SIK2: variants seen among roughly 807,000 people sequenced by gnomAD.
The protein encoded by SIK2 is salt inducible kinase 2.
SIK2 carries 29 observed loss-of-function variants against 103.2 expected under a neutral mutation model. The observed-to-expected ratio is 0.28, with a 90% CI of 0.21 to 0.38. The LOEUF (loss-of-function observed/expected upper bound fraction) is 0.38, where lower values mean the gene tolerates loss of function less well. Ranked by LOEUF, SIK2 falls within the 10% of genes least tolerant of loss-of-function variation. The pLI is 1.00. For missense variants in SIK2, 879 were observed against 1,171.0 expected (o/e 0.75, Z 3.64); for synonymous variants, 412 against 446.1 (o/e 0.92, Z 0.96).
intron 4 of SIK2, among the ~76,000 whole-genome samples, chr11:111,697,032 A>G (rs1010906095): frequency 1.3e-5 from 2 of 152,190 alleles, no homozygotes; most frequent in Non-Finnish European, 2.9e-5. Context: ...AACCCTGACA[A>G]TTATTAACTT....
In SIK2 at chr11:111,727,024, C is replaced by G. The variant is rs1213373873; in HGVS notation, c.*2895C>G. On this transcript the variant is annotated 3_prime_UTR_variant, in exon 15 of 15. Coordinates refer to ENST00000304987, the MANE Select transcript of SIK2 (RefSeq NM_015191.3). The stretch of plus-strand genomic sequence containing the variant: ...GCAATTCCCAGCTGGGCAAGTGTGT[C>G]TCTAGTATCTCCACGCAACTGATAC... The G allele has an allele frequency of 1.2e-6, 2 of 1,614,130 alleles. No homozygotes were observed. The highest frequency in any genetic ancestry group is 2.2e-5 in the South Asian group (2 of 91,072).
intron 3 of SIK2, among the ~76,000 whole-genome samples, chr11:111,669,467 A>T (rs756285866): frequency 1.1e-4 from 17 of 152,186 alleles, no homozygotes; most frequent in Non-Finnish European, 2.1e-4. Context: ...ATGGTGGTGC[A>T]TGCCTGTAGT....
rs935751360 is a variant in SIK2 at position 111,727,169 on chromosome 11, T to G, written c.*3040T>G. The G allele has an allele frequency of 1.2e-5, 10 of 842,586 alleles. No individual in the cohort carries two copies. Among genetic ancestry groups the G allele is most frequent in the Admixed American group, 6.3e-5 (3 of 47,834 alleles). The allele number at this position is 842,586 out of a possible 1,614,324, so 52.2% of individuals were successfully genotyped here. On this transcript the variant is annotated 3_prime_UTR_variant, in exon 15 of 15. Coordinates refer to ENST00000304987, the MANE Select transcript of SIK2 (RefSeq NM_015191.3). ...CTCGCCACCTCTGCCTGCACTGCCT[T>G]CTGTCACCGTGGGAAAAGGAGGCTG...
At chr11:111,675,986 T>A (rs1371932597) in intron 3 of SIK2, among the ~76,000 whole-genome samples, 3 of 152,182 alleles carry the variant, frequency 2.0e-5, no homozygotes, top group Non-Finnish European at 4.4e-5. Context: ...AGTGTTTAGC[T>A]CCTACTTAGA....
intron 3 of SIK2, among the ~76,000 whole-genome samples, chr11:111,653,680 G>C (rs1942355986): frequency 6.6e-6 from 1 of 152,192 alleles, no homozygotes; most frequent in Non-Finnish European, 1.5e-5. Flanking sequence ...GTGAGAAATG[G>C]TCAGTTGTGG....
chr11:111,720,492 A>G lies in SIK2; in HGVS notation c.1510A>G (p.Met504Val), dbSNP rs201616979. The stretch of plus-strand genomic sequence containing the variant: ...TTCTCTTAAAGGGAAAATTTTCTCC[A>G]TGAATGACAGCCCCTCCCTTGACAG... ...VMPGAGKIFS[M>V]NDSPSLDSVD... is the part of the protein sequence containing the mutation. The change falls in exon 11 of 15, where the codon ATG (methionine) becomes GTG (valine). Residue 504 changes from methionine (M) to valine (V), a missense_variant. By Grantham distance (21) the Met-to-Val change is conservative. Coordinates refer to ENST00000304987, the MANE Select transcript of SIK2 (RefSeq NM_015191.3). The G allele has an allele frequency of 1.3e-6, 2 of 1,599,726 alleles. No homozygotes were observed. Among genetic ancestry groups the G allele is most frequent in the African/African-American group, 1.3e-5 (1 of 74,222 alleles).
At chr11:111,641,556 T>C (rs1942183359) in intron 3 of SIK2, among the ~76,000 whole-genome samples, 1 of 152,248 alleles carries the variant, frequency 6.6e-6, no homozygotes, top group Non-Finnish European at 1.5e-5. Flanking sequence ...TTGTTTACTT[T>C]ATATTTTCAT....
At chr11:111,628,483 T>G (rs1387513076) in intron 3 of SIK2, among the ~76,000 whole-genome samples, 2 of 144,388 alleles carry the variant, frequency 1.4e-5, no homozygotes, top group Non-Finnish European at 3.1e-5. Context: ...CTGTCACCCA[T>G]TCTGGAGTGC....
intron 4 of SIK2, among the ~76,000 whole-genome samples, chr11:111,689,654 AG>A (rs1157251026): frequency 6.6e-6 from 1 of 152,196 alleles, no homozygotes; most frequent in Non-Finnish European, 1.5e-5. Context: ...TTGACCTGTT[AG>A]GTTGGATACT....
intron 3 of SIK2, among the ~76,000 whole-genome samples, chr11:111,678,623 A>G (rs1171760190): frequency 6.6e-6 from 1 of 152,218 alleles, no homozygotes; most frequent in Non-Finnish European, 1.5e-5. Flanking sequence ...TGGCAAAAAA[A>G]ATTATGATTT....
chr11:111,622,051 A>C (rs1275272708), intron 3 of SIK2, among the ~76,000 whole-genome samples: 2 of 152,170 alleles, frequency 1.3e-5, no homozygotes, highest in Middle Eastern at 3.4e-3. Flanking sequence ...ATTATCTTTT[A>C]AAGAGATTTC....
intron 3 of SIK2, among the ~76,000 whole-genome samples, chr11:111,643,626 C>T (rs1449906946): frequency 6.6e-6 from 1 of 152,008 alleles, no homozygotes; most frequent in Non-Finnish European, 1.5e-5. Flanking sequence ...GCCTGGCCAA[C>T]ATGGTGAAAC....
rs575699284 is a variant in SIK2, at chr11:111,620,223, A to G, written c.253-116A>G. ...GGCTTATGAACTTAGCCATCTTCGG[A>G]ATTGTTCATAACTGTGATTCTTTTA... On this transcript the variant is annotated intron_variant, in intron 2 of 14. Coordinates refer to ENST00000304987, the MANE Select transcript of SIK2 (RefSeq NM_015191.3). The G allele has an allele frequency of 4.2e-6, 3 of 720,210 alleles. No homozygotes were observed. In the South Asian group the frequency reaches 5.2e-5, roughly 12 times the overall value. The allele number at this position is 720,210 out of a possible 1,614,324, so 44.6% of individuals were successfully genotyped here.
At chr11:111,621,940 T>TGA in intron 3 of SIK2, among the ~76,000 whole-genome samples, 1 of 152,002 alleles carries the variant, frequency 6.6e-6, no homozygotes, top group East Asian at 1.9e-4. Context: ...CTTACATCAG[T>TGA]GTACTTCTCT....
chr11:111,644,367 G>A (rs1942226918), intron 3 of SIK2, among the ~76,000 whole-genome samples: 1 of 150,672 alleles, frequency 6.6e-6, no homozygotes, highest in Non-Finnish European at 1.5e-5. Flanking sequence ...AAGGAGTAAA[G>A]CCAAAGGAAA....
At position 111,602,647 on chromosome 11, in the gene SIK2, G is replaced by T. The variant is rs1237523947; in HGVS notation, c.84G>T (p.Lys28Asn). The change falls in exon 1 of 15, where the codon AAG (lysine) becomes AAT (asparagine). Residue 28 changes from lysine to asparagine, a missense_variant. Coordinates refer to ENST00000304987, the MANE Select transcript of SIK2 (RefSeq NM_015191.3). The surrounding 1 kb of genome is among the most constrained non-coding windows in gnomAD (Gnocchi z 4.5). Reference protein sequence around the residue: ...GFYDIEGTLGKGNFAVVKLGR... With the variant: ...GFYDIEGTLGNGNFAVVKLGR... ...ACGACATCGAGGGCACGCTGGGCAA[G>T]GGCAACTTCGCTGTGGTGAAGCTGG... 2 of 1,533,994 alleles carry T rather than the reference G, an allele frequency of 1.3e-6. No individual in the cohort carries two copies. Among genetic ancestry groups the T allele is most frequent in the Non-Finnish European group, 1.8e-6 (2 of 1,139,450 alleles).
intron 3 of SIK2, among the ~76,000 whole-genome samples, chr11:111,659,253 A>T (rs1433131047): frequency 1.3e-5 from 2 of 151,978 alleles, no homozygotes; most frequent in Non-Finnish European, 2.9e-5. Context: ...TTTGTCTCTC[A>T]TCTGTTATTG....
chr11:111,680,645 C>T (rs1415430058), intron 3 of SIK2, among the ~76,000 whole-genome samples: 2 of 152,162 alleles, frequency 1.3e-5, no homozygotes, highest in Non-Finnish European at 2.9e-5. Context: ...CAAAGATTCT[C>T]ACACCCCTGA....
At chr11:111,637,796 A>G (rs1284247605) in intron 3 of SIK2, among the ~76,000 whole-genome samples, 2 of 152,010 alleles carry the variant, frequency 1.3e-5, no homozygotes, top group Non-Finnish European at 2.9e-5. Flanking sequence ...TCAGAACAAC[A>G]ATAATTTTGT....
Sources: gnomAD v4.1 joint callset for allele counts (sites outside exome capture counted in the v4.1 genomes callset) on GRCh38, gnomAD v4.1.1 for gene constraint, Gnocchi (gnomAD v3.1) non-coding constraint, MANE v1.5 for transcripts, NCBI Gene and HGNC (gene_info 2026-07-23, HGNC 2026-07-21) for gene names.